JARID2: variants seen among roughly 807,000 people sequenced by gnomAD.
JARID2 encodes the protein protein Jumonji.
JARID2 carries 21 observed loss-of-function variants against 125.6 expected under a neutral mutation model. The observed-to-expected ratio is 0.17, with a 90% CI of 0.12 to 0.24. The LOEUF (loss-of-function observed/expected upper bound fraction) is 0.24. Ranked by LOEUF, JARID2 falls within the 10% of genes least tolerant of loss-of-function variation. JARID2 has a pLI of 1.00. For missense variants in JARID2, 1,303 were observed against 1,639.6 expected (o/e 0.79, Z 3.55); for synonymous variants, 736 against 661.6 (o/e 1.11, Z -1.73).
chr6:15,430,109 A>G (rs984148127), intron 3 of JARID2, among the ~76,000 whole-genome samples: 2 of 152,202 alleles, frequency 1.3e-5, no homozygotes, highest in Admixed American at 1.3e-4. Context: ...GACTCTTTCA[A>G]ATATAAAAAC....
chr6:15,276,713 G>T (rs932199157), intron 1 of JARID2, among the ~76,000 whole-genome samples: 1 of 152,172 alleles, frequency 6.6e-6, no homozygotes, highest in Non-Finnish European at 1.5e-5. Context: ...GGAAATAACA[G>T]TCTCTTGGGG....
intron 3 of JARID2, among the ~76,000 whole-genome samples, chr6:15,444,500 T>TGC (rs1767581315): frequency 6.6e-6 from 1 of 152,036 alleles, no homozygotes; most frequent in South Asian, 2.1e-4. Context: ...CAACCTCCAG[T>TGC]GCGCACACAC....
At chr6:15,285,091 TGTGA>T (rs1374120073) in intron 1 of JARID2, among the ~76,000 whole-genome samples, 3 of 150,328 alleles carry the variant, frequency 2.0e-5, no homozygotes, top group African/African-American at 7.4e-5. Context: ...TTTGCATTAA[TGTGA>T]GTCTTTCTGG....
chr6:15,434,402 A>T (rs1767115015), intron 3 of JARID2, among the ~76,000 whole-genome samples: 1 of 152,122 alleles, frequency 6.6e-6, no homozygotes, highest in South Asian at 2.1e-4. Context: ...TCCCTAGAGG[A>T]GCTGATGGGG....
chr6:15,511,249 G>A (rs867099778), intron 12 of JARID2, 47 bp from the exon 13 acceptor site: 4 of 1,311,860 alleles, frequency 3.0e-6, no homozygotes, highest in Middle Eastern at 1.9e-4. Flanking sequence ...CATGCAGGAG[G>A]CCCTTGTCAA....
At chr6:15,267,440 G>T (rs555517629) in intron 1 of JARID2, among the ~76,000 whole-genome samples, 1 of 152,278 alleles carries the variant, frequency 6.6e-6, no homozygotes, top group Non-Finnish European at 1.5e-5. Context: ...GTGCCCAGGA[G>T]GGAACCGATA....
intron 1 of JARID2, among the ~76,000 whole-genome samples, chr6:15,270,313 G>T (rs1760247607): frequency 6.6e-6 from 1 of 152,100 alleles, no homozygotes; most frequent in African/African-American, 2.4e-5. Flanking sequence ...GGTATTTTTA[G>T]TAGAGACAGG....
chr6:15,394,373 C>G (rs1386942389), intron 2 of JARID2, among the ~76,000 whole-genome samples: 2 of 152,064 alleles, frequency 1.3e-5, no homozygotes, highest in African/African-American at 2.4e-5. Context: ...GCACTTTGTG[C>G]GGCTGGGGTG....
At chr6:15,264,537 A>G (rs966559240) in intron 1 of JARID2, among the ~76,000 whole-genome samples, 4 of 151,636 alleles carry the variant, frequency 2.6e-5, no homozygotes, top group Non-Finnish European at 2.9e-5. Context: ...TATATTCAAT[A>G]TTTTTCTCTG....
intron 1 of JARID2, among the ~76,000 whole-genome samples, chr6:15,273,278 A>T (rs1760370973): frequency 6.6e-6 from 1 of 152,198 alleles, no homozygotes; most frequent in African/African-American, 2.4e-5. Flanking sequence ...CCCTGAATTT[A>T]ATAGCCAAAT....
At position 15,366,061 on chromosome 6, in the gene JARID2, CTTA is replaced by C. The variant is rs147529387; in HGVS notation, c.46-8055_46-8053del. On this transcript the variant is annotated intron_variant, in intron 1 of 17. Coordinates refer to ENST00000341776, the MANE Select transcript of JARID2 (RefSeq NM_004973.4). ...ACCCCCAACCCCATTTTTGTTTACA[CTTA>C]ATCTGTGGGAAGAATCAACATTCCC... is the stretch of plus-strand genomic sequence containing the variant. Among the ~76,000 whole-genome samples the C allele has an allele frequency of 1.9e-4, 29 of 152,280 alleles. 1 individual carries two copies. In the East Asian group the frequency reaches 4.6e-3, roughly 24 times the overall value.
chr6:15,404,968 A>G (rs1186406317), intron 2 of JARID2, among the ~76,000 whole-genome samples: 1 of 152,170 alleles, frequency 6.6e-6, no homozygotes, highest in Non-Finnish European at 1.5e-5. Context: ...GATACAGACT[A>G]CATGCTCTAG....
chr6:15,415,059 A>G (rs1766077705), intron 3 of JARID2, among the ~76,000 whole-genome samples: 1 of 152,232 alleles, frequency 6.6e-6, no homozygotes, highest in Admixed American at 6.5e-5. Context: ...AACAAAGCAC[A>G]TCTTGCACCA....
At chr6:15,402,197 C>T (rs972134600) in intron 2 of JARID2, among the ~76,000 whole-genome samples, 1 of 152,060 alleles carries the variant, frequency 6.6e-6, no homozygotes, top group Non-Finnish European at 1.5e-5. Flanking sequence ...GGAGCTTTGC[C>T]CATTTATCAT....
intron 4 of JARID2, among the ~76,000 whole-genome samples, chr6:15,455,826 C>T (rs956880459): frequency 6.6e-6 from 1 of 152,202 alleles, no homozygotes; most frequent in Non-Finnish European, 1.5e-5. Flanking sequence ...CCATGCCCGG[C>T]GAAGCCAGGT....
At chr6:15,290,202 G>C (rs1761154732) in intron 1 of JARID2, among the ~76,000 whole-genome samples, 1 of 152,176 alleles carries the variant, frequency 6.6e-6, no homozygotes, top group Non-Finnish European at 1.5e-5. Context: ...AATGGTCTCA[G>C]ATTATTCATG....
chr6:15,452,738 G>T (rs1767975966), intron 4 of JARID2, among the ~76,000 whole-genome samples: 1 of 152,224 alleles, frequency 6.6e-6, no homozygotes, highest in African/African-American at 2.4e-5. Flanking sequence ...GTGGATTTGG[G>T]ATCTGCTGAA....
chr6:15,338,228 A>G (rs1475766233), intron 1 of JARID2, among the ~76,000 whole-genome samples: 1 of 152,210 alleles, frequency 6.6e-6, no homozygotes, highest in East Asian at 1.9e-4. Context: ...TTTTCGCTGA[A>G]AGAAGGAAGG....
intron 1 of JARID2, among the ~76,000 whole-genome samples, chr6:15,266,268 C>T (rs1760079260): frequency 6.6e-6 from 1 of 152,160 alleles, no homozygotes; most frequent in Non-Finnish European, 1.5e-5. Context: ...CTTTTTAGCA[C>T]GGTCTCTGCC....
Sources: gnomAD v4.1 joint callset for allele counts (sites outside exome capture counted in the v4.1 genomes callset) on GRCh38, gnomAD v4.1.1 for gene constraint, MANE v1.5 for transcripts, NCBI Gene and HGNC (gene_info 2026-07-23, HGNC 2026-07-21) for gene names.